The following NCAM1 variants were observed in gnomAD, a reference collection of about 807,000 sequenced individuals.
The protein encoded by NCAM1 is neural cell adhesion molecule 1.
Under a neutral mutation model 109.8 loss-of-function variants are expected in NCAM1, and 14 were observed. The observed-to-expected ratio is 0.13, with a 90% CI of 0.08 to 0.20. The LOEUF (loss-of-function observed/expected upper bound fraction) is 0.20, where lower values mean the gene tolerates loss of function less well. NCAM1 is among the 10% of genes least tolerant of loss of function. The probability of loss-of-function intolerance (pLI) is 1.00; values close to 1 mark genes in which losing one functional copy is unlikely to be tolerated. For synonymous variants in NCAM1, 418 were observed against 442.9 expected (o/e 0.94, Z 0.70); for missense variants, 774 against 1,109.9 (o/e 0.70, Z 4.30).
intron 1 of NCAM1, among the ~76,000 whole-genome samples, chr11:113,103,230 T>C (rs1388539072): frequency 6.6e-6 from 1 of 152,210 alleles, no homozygotes; most frequent in African/African-American, 2.4e-5. Flanking sequence ...ACAGGCAACA[T>C]TATTAAAGCA....
intron 1 of NCAM1, among the ~76,000 whole-genome samples, chr11:112,993,385 C>G (rs1445328782): frequency 2.6e-5 from 4 of 152,126 alleles, no homozygotes; most frequent in African/African-American, 9.7e-5. Flanking sequence ...GAAGATGGCA[C>G]CAAGCCATGA....
chr11:113,055,502 T>C (rs1178538858), intron 1 of NCAM1, among the ~76,000 whole-genome samples: 1 of 152,192 alleles, frequency 6.6e-6, no homozygotes, highest in Admixed American at 6.5e-5. Context: ...AAGATTAAGA[T>C]TGTATGGTAA....
intron 1 of NCAM1, among the ~76,000 whole-genome samples, chr11:112,968,136 AGAG>A (rs1467003758): frequency 6.6e-6 from 1 of 152,196 alleles, no homozygotes; most frequent in Non-Finnish European, 1.5e-5. Flanking sequence ...TGGACCTCAT[AGAG>A]GTTGTATGTG....
chr11:113,240,263 G>A (rs1283347809), intron 14 of NCAM1, among the ~76,000 whole-genome samples: 3 of 152,236 alleles, frequency 2.0e-5, no homozygotes, highest in Non-Finnish European at 4.4e-5. Context: ...CATTAGGTAG[G>A]AGAGCCATTT....
At chr11:112,966,070 T>A (rs1950721144) in intron 1 of NCAM1, among the ~76,000 whole-genome samples, 2 of 152,218 alleles carry the variant, frequency 1.3e-5, no homozygotes, top group Admixed American at 1.3e-4. Context: ...TATTTTAATG[T>A]AAATTCCATA....
chr11:113,194,966 G>A (rs1943810033), intron 1 of NCAM1, among the ~76,000 whole-genome samples: 1 of 152,216 alleles, frequency 6.6e-6, no homozygotes, highest in South Asian at 2.1e-4. Flanking sequence ...CTACGCTGAT[G>A]GAAGGACTGG....
At chr11:113,244,469 T>C (rs1466881503) in intron 14 of NCAM1, among the ~76,000 whole-genome samples, 1 of 152,198 alleles carries the variant, frequency 6.6e-6, no homozygotes, top group Non-Finnish European at 1.5e-5. Context: ...GGAAAGATGC[T>C]CACAATTGGG....
intron 9 of NCAM1, among the ~76,000 whole-genome samples, chr11:113,228,789 A>G (rs1944920711): frequency 6.6e-6 from 1 of 152,206 alleles, no homozygotes. Context: ...CACATCTACA[A>G]CTATCTGATC....
chr11:113,006,972 G>A (rs1250300598), intron 1 of NCAM1, among the ~76,000 whole-genome samples: 2 of 152,132 alleles, frequency 1.3e-5, no homozygotes, highest in East Asian at 1.9e-4. Flanking sequence ...AAACAAATTA[G>A]CCACTATGAA....
intron 1 of NCAM1, among the ~76,000 whole-genome samples, chr11:113,126,279 T>C (rs1190563822): frequency 6.6e-6 from 1 of 152,170 alleles, no homozygotes; most frequent in African/African-American, 2.4e-5. Context: ...GTGCCTCCCA[T>C]GTGGCAGGCC....
chr11:113,098,738 A>G (rs1939724393), intron 1 of NCAM1, among the ~76,000 whole-genome samples: 1 of 152,194 alleles, frequency 6.6e-6, no homozygotes, highest in South Asian at 2.1e-4. Context: ...ACTGGAGTAG[A>G]GCAAAGGTCC....
chr11:112,989,387 G>C (rs916891906), intron 1 of NCAM1, among the ~76,000 whole-genome samples: 1 of 151,990 alleles, frequency 6.6e-6, no homozygotes, highest in African/African-American at 2.4e-5. Context: ...GCATGATTGA[G>C]TCTGTTGTTG....
intron 1 of NCAM1, among the ~76,000 whole-genome samples, chr11:113,185,068 T>TATATATATATATATATATATATA (rs1555108634): frequency 1.7e-4 from 17 of 99,622 alleles, no homozygotes; most frequent in East Asian, 3.7e-4. Flanking sequence ...GCATTTATAT[T>TATATATATATATATATATATATA]TATATATATA....
intron 1 of NCAM1, among the ~76,000 whole-genome samples, chr11:113,071,421 ATTTT>A (rs66821824): frequency 0.19 from 24,775 of 127,264 alleles, 1,880 homozygotes; most frequent in East Asian, 0.44. Context: ...TGTTGGTTGG[ATTTT>A]TTTTTTTTTT....
chr11:113,179,980 AC>A, intron 1 of NCAM1, among the ~76,000 whole-genome samples: 1 of 152,244 alleles, frequency 6.6e-6, no homozygotes, highest in Middle Eastern at 3.4e-3. Context: ...GAAACTGGGG[AC>A]CCTGAGGTTA....
Position 112,962,437 on chromosome 11 carries a change from TGTGTGCGCGCGC to T in NCAM1, c.52+785_52+796del, listed in dbSNP as rs1403256934. On this transcript the variant is annotated intron_variant, in intron 1 of 19. Transcript: ENST00000316851. This position sits in a 1 kb window ranked among gnomAD's most constrained non-coding sequence, Gnocchi z 5.6. Reference sequence around the variant, plus strand: ...GGAGGGCGTGATTGGGGCTGCCTGGTGTGTGCGCGCGCGTGTGCGCGCGTGTGTCTTTACACG... The same window carrying T: ...GGAGGGCGTGATTGGGGCTGCCTGGTGTGTGCGCGCGTGTGTCTTTACACG... Among the ~76,000 whole-genome samples the T allele has an allele frequency of 1.3e-5, 2 of 151,094 alleles. No individual in the cohort carries two copies. Among genetic ancestry groups the T allele is most frequent in the Non-Finnish European group, 3.0e-5 (2 of 67,712 alleles).
At chr11:113,043,052 T>C (rs1953133519) in intron 1 of NCAM1, among the ~76,000 whole-genome samples, 1 of 152,194 alleles carries the variant, frequency 6.6e-6, no homozygotes, top group Non-Finnish European at 1.5e-5. Flanking sequence ...TTTTTGACTT[T>C]ATTTCCCACC....
intron 1 of NCAM1, among the ~76,000 whole-genome samples, chr11:113,059,859 G>T (rs1953856644): frequency 6.6e-6 from 1 of 152,184 alleles, no homozygotes; most frequent in Non-Finnish European, 1.5e-5. Context: ...TAGGGGTCAT[G>T]TATGTAAAGC....
Position 112,961,663 on chromosome 11 carries a change from A to G in NCAM1, c.51A>G (p.Ala17=). The G allele has an allele frequency of 6.9e-7, 1 of 1,455,542 alleles. No homozygotes were observed. The highest frequency in any genetic ancestry group is 1.2e-5 in the South Asian group (1 of 83,206). The allele number at this position is 1,455,542 out of a possible 1,614,324, so 90.2% of individuals were successfully genotyped here. ...GGACTTTGTTTTTCCTGGGAACTGC[A>G]GGTACATTTTTTTTTTTTTTAATTC... ...LIWTLFFLGT[A]VSLQVDIVPS... The change falls in exon 1 of 20, where the codon GCA becomes GCG. Residue 17 remains alanine (A), a splice_region_variant and synonymous_variant. Transcript: ENST00000316851.
Sources: gnomAD v4.1 joint callset for allele counts (sites outside exome capture counted in the v4.1 genomes callset) on GRCh38, gnomAD v4.1.1 for gene constraint, Gnocchi (gnomAD v3.1) non-coding constraint, MANE v1.5 for transcripts, NCBI Gene and HGNC (gene_info 2026-07-23, HGNC 2026-07-21) for gene names.